KCTD17: variants seen among roughly 807,000 people sequenced by gnomAD.
KCTD17 encodes the protein BTB/POZ domain-containing protein KCTD17.
Under a neutral mutation model 41.5 loss-of-function variants are expected in KCTD17, and 20 were observed. That is an observed-to-expected ratio of 0.48 (90% CI 0.34 to 0.70). The LOEUF (loss-of-function observed/expected upper bound fraction) is 0.70, where lower values mean the gene tolerates loss of function less well. KCTD17 is among the 30% of genes least tolerant of loss of function. KCTD17 has a pLI of 0.01. For missense variants in KCTD17, 317 were observed against 427.2 expected (o/e 0.74, Z 2.27); for synonymous variants, 156 against 173.8 (o/e 0.90, Z 0.80).
intron 5 of KCTD17, 77 bp downstream of exon 5, chr22:37,059,515 C>G (rs987921621): frequency 2.7e-6 from 4 of 1,496,488 alleles, no homozygotes; most frequent in Non-Finnish European, 3.6e-6. Flanking sequence ...CCCGCCCCTG[C>G]GCCTGCACCA....
At chr22:37,059,534 C>T in intron 5 of KCTD17, 96 bp downstream of exon 5, 1 of 1,407,248 alleles carries the variant, frequency 7.1e-7, no homozygotes, top group Non-Finnish European at 9.7e-7. Flanking sequence ...CATCCCTCCA[C>T]CTCTCTCCCG....
chr22:37,059,462 T>C (rs1474888707), intron 5 of KCTD17, 24 bp downstream of exon 5: 2 of 1,596,318 alleles, frequency 1.3e-6, no homozygotes, highest in Non-Finnish European at 1.7e-6. Context: ...CCTCAGCCTG[T>C]GTCCGGAGAA....
At chr22:37,052,570 G>A (rs1000260033) in intron 1 of KCTD17, 3 of 470,528 alleles carry the variant, frequency 6.4e-6, no homozygotes, top group Non-Finnish European at 1.3e-5. Context: ...TCCCCCATCC[G>A]TGACCCTCCG....
intron 8 of KCTD17, chr22:37,062,320 C>T: frequency 1.0e-6 from 1 of 985,214 alleles, no homozygotes; most frequent in Non-Finnish European, 1.2e-6. Flanking sequence ...GCTGCTCCCC[C>T]CAACTCAGTT....
In KCTD17 at chr22:37,057,390, G is replaced by T. The variant is rs770530808; in HGVS notation, c.391-8G>T. On this transcript the variant is annotated splice_polypyrimidine_tract_variant and splice_region_variant and intron_variant, in intron 3 of 8. Coordinates refer to ENST00000403888, the MANE Select transcript of KCTD17 (RefSeq NM_001282684.2). ...CAGGTGCCCTCTATGTGACCCTTCT[G>T]CCCACAGGTCCCACCCAAGCACGTG... 40 of 1,612,980 alleles carry T rather than the reference G, an allele frequency of 2.5e-5. No individual in the cohort carries two copies. Among genetic ancestry groups the T allele is most frequent in the Non-Finnish European group, 3.4e-5 (40 of 1,179,182 alleles).
chr22:37,062,388 A>C, intron 8 of KCTD17, 137 bp from the exon 9 acceptor site: 9 of 1,346,696 alleles, frequency 6.7e-6, no homozygotes, highest in South Asian at 1.5e-5. Flanking sequence ...GAAGCCTGTG[A>C]CTCAACTGCC....
At chr22:37,058,940 C>T (rs962292249) in intron 4 of KCTD17, among the ~76,000 whole-genome samples, 1 of 152,238 alleles carries the variant, frequency 6.6e-6, no homozygotes, top group African/African-American at 2.4e-5. Context: ...CTGTGTCAGC[C>T]ACATCTGGAA....
intron 5 of KCTD17, 74 bp from the exon 6 acceptor site, chr22:37,060,749 G>T (rs1925679775): frequency 7.0e-7 from 1 of 1,433,120 alleles, no homozygotes; most frequent in African/African-American, 1.4e-5. Context: ...GGTCTTTGGG[G>T]ATAGCCAGCA....
At chr22:37,057,259 T>TC in intron 3 of KCTD17, 139 bp from the exon 4 acceptor site, 3 of 724,454 alleles carry the variant, frequency 4.1e-6, no homozygotes. Context: ...CATGGCTGCC[T>TC]CCCCCCAACC....
intron 8 of KCTD17, chr22:37,062,086 G>A: frequency 3.1e-6 from 3 of 981,230 alleles, no homozygotes; most frequent in Middle Eastern, 5.2e-4. Flanking sequence ...CTGTGACCTT[G>A]GGCAAGTCAC....
intron 1 of KCTD17, chr22:37,052,606 T>C (rs1188462292): frequency 1.1e-5 from 5 of 470,832 alleles, no homozygotes; most frequent in East Asian, 6.9e-5. Flanking sequence ...GCAAGTCGCC[T>C]CACCTCTCAA....
At chr22:37,059,593 A>G (rs966888164) in intron 5 of KCTD17, 155 bp downstream of exon 5, 12 of 870,206 alleles carry the variant, frequency 1.4e-5, no homozygotes, top group Non-Finnish European at 6.9e-6. Flanking sequence ...CATCCATCCC[A>G]TGCCACCTGC....
Position 37,061,800 on chromosome 22 carries a change from G to C in KCTD17, c.875+171G>C. 1.0e-6 allele frequency: 1 copy of C among 985,416 alleles called. No individual in the cohort carries two copies. The highest frequency in any genetic ancestry group is 1.2e-6 in the Non-Finnish European group (1 of 829,930). 61.0% of individuals were successfully genotyped at this position (985,416 alleles called of 1,614,324 possible). A position where few individuals can be genotyped will look rare whatever the true frequency, so the allele number is the denominator to read the frequency against. On this transcript the variant is annotated intron_variant, in intron 8 of 8. Transcript: ENST00000403888. This position sits in a 1 kb window ranked among gnomAD's most constrained non-coding sequence, Gnocchi z 6.6. ...AGAGGAGAAGAAAGTTAGGGAGTGG[G>C]AACTTTCCTACCAGCCCATCAGCAC...
Position 37,061,657 on chromosome 22 carries a change from G to T in KCTD17, c.875+28G>T. On this transcript the variant is annotated intron_variant, in intron 8 of 8. Transcript: ENST00000403888. The surrounding 1 kb of genome is among the most constrained non-coding windows in gnomAD (Gnocchi z 6.6). ...TTGTAGCTTGGCGGTGCTGGAGGGA[G>T]GGGTGGAGCGAGGAGGGTGCTCATC... 6.4e-7 allele frequency: 1 copy of T among 1,573,936 alleles called. No individual in the cohort carries two copies. The highest frequency in any genetic ancestry group is 2.3e-5 in the East Asian group (1 of 43,250).
chr22:37,055,995 G>T (rs1002819261), intron 2 of KCTD17, among the ~76,000 whole-genome samples: 7 of 152,198 alleles, frequency 4.6e-5, no homozygotes, highest in African/African-American at 1.4e-4. Flanking sequence ...CCTGCTCATG[G>T]TGACATTCTG....
chr22:37,053,340 C>A lies in KCTD17; in HGVS notation c.298+132C>A. 2 of 703,024 alleles carry A rather than the reference C, an allele frequency of 2.8e-6. No individual in the cohort carries two copies. The highest frequency in any genetic ancestry group is 4.9e-6 in the Non-Finnish European group (2 of 409,884). 43.5% of individuals were successfully genotyped at this position (703,024 alleles called of 1,614,324 possible). On this transcript the variant is annotated intron_variant, in intron 2 of 8. Transcript: ENST00000403888. The surrounding 1 kb of genome is among the most constrained non-coding windows in gnomAD (Gnocchi z 4.1). ...TGTTTCCTGCCTCTTCCCAGTCGGA[C>A]GGGGCTGATTCCCAAGCATCTGCCT...
At chr22:37,055,737 A>G (rs1413669053) in intron 2 of KCTD17, among the ~76,000 whole-genome samples, 3 of 152,146 alleles carry the variant, frequency 2.0e-5, no homozygotes, top group Admixed American at 2.0e-4. Context: ...ATGCATGGAC[A>G]CAAGGGTATG....
intron 1 of KCTD17, 139 bp downstream of exon 1, chr22:37,052,088 C>T: frequency 9.6e-7 from 1 of 1,042,938 alleles, no homozygotes; most frequent in Non-Finnish European, 1.2e-6. Context: ...GAAGAAGCGG[C>T]AGGAGGAGGG....
chr22:37,052,965 G>T, intron 1 of KCTD17, 135 bp from the exon 2 acceptor site: 1 of 671,508 alleles, frequency 1.5e-6, no homozygotes, highest in Non-Finnish European at 2.6e-6. Flanking sequence ...TGACCCCAGT[G>T]CCTTTTTGCT....
Sources: allele counts gnomAD v4.1 joint callset (sites outside exome capture counted in the v4.1 genomes callset), GRCh38; gene constraint gnomAD v4.1.1; non-coding constraint Gnocchi (gnomAD v3.1); transcripts MANE v1.5; gene names NCBI Gene and HGNC (gene_info 2026-07-23, HGNC 2026-07-21).